The following VSIG10L2 variants were observed in gnomAD, a reference collection of about 807,000 sequenced individuals.
The protein encoded by VSIG10L2 is V-set and immunoglobulin domain-containing protein 10-like 2.
VSIG10L2 carries 56 observed loss-of-function variants against 67.1 expected under a neutral mutation model. The observed-to-expected ratio is 0.83, with a 90% CI of 0.67 to 1.04. The LOEUF is 1.04. VSIG10L2 is among the 50% of genes least tolerant of loss of function. The pLI, the probability that VSIG10L2 is intolerant of heterozygous loss-of-function variation, is 0.00. For missense variants in VSIG10L2, 843 were observed against 932.8 expected (o/e 0.90, Z 1.25); for synonymous variants, 360 against 396.6 (o/e 0.91, Z 1.10).
chr11:125,948,489 T>C lies in VSIG10L2; in HGVS notation c.618T>C (p.Pro206=). 1 of 1,232,238 alleles carries C rather than the reference T, an allele frequency of 8.1e-7. No individual in the cohort carries two copies. The highest frequency in any genetic ancestry group is 1.0e-6 in the Non-Finnish European group (1 of 988,010). 76.3% of individuals were successfully genotyped at this position (1,232,238 alleles called of 1,614,324 possible). ...CTGAGCCACTATTCCAGCTGGACCCTGTCAACCGGACACACCTAGGGTGGT... is the reference window on the plus strand; with the variant it reads ...CTGAGCCACTATTCCAGCTGGACCCCGTCAACCGGACACACCTAGGGTGGT... The part of the protein sequence containing the change: ...GVTEPLFQLD[P]VNRTHLGWYM... Residue 206 remains proline, a synonymous_variant, in exon 3 of 12, where the codon CCT becomes CCC. Coordinates refer to ENST00000686984, the MANE Select transcript of VSIG10L2 (RefSeq NM_001365077.2).
At position 125,948,004 on chromosome 11, in the gene VSIG10L2, C is replaced by T; in HGVS notation, c.401C>T (p.Ala134Val). 1 of 1,232,296 alleles carries T rather than the reference C, an allele frequency of 8.1e-7. No homozygotes were observed. The highest frequency in any genetic ancestry group is 1.0e-6 in the Non-Finnish European group (1 of 988,064). The allele number at this position is 1,232,296 out of a possible 1,614,324, so 76.3% of individuals were successfully genotyped here. ...VLHVAGGQLHAAYSHLTLAVL... is the reference protein window; with the variant it reads ...VLHVAGGQLHVAYSHLTLAVL... ...CACGTGGCTGGCGGCCAGCTCCACG[C>T]TGCCTACTCCCACCTCACGCTGGCT... Residue 134 changes from alanine (A) to valine (V), a missense_variant, in exon 2 of 12, where the codon GCT (alanine) becomes GTT (valine). Coordinates refer to ENST00000686984, the MANE Select transcript of VSIG10L2 (RefSeq NM_001365077.2).
At position 125,947,883 on chromosome 11, in the gene VSIG10L2, G is replaced by A. The variant is rs576758791; in HGVS notation, c.280G>A (p.Ala94Thr). 74 of 1,232,308 alleles carry A rather than the reference G, an allele frequency of 6.0e-5. No individual in the cohort carries two copies. The African/African-American group carries it at 1.0e-3, about 17-fold the overall frequency. 76.3% of individuals were successfully genotyped at this position (1,232,308 alleles called of 1,614,324 possible). ...DGAMSKVEAI[A>T]SALGVVSLRN... Reference sequence around the variant, plus strand: ...AGCCATGTCCAAGGTGGAGGCCATCGCCTCGGCTCTGGGAGTCGTGAGTCT... The same window carrying A: ...AGCCATGTCCAAGGTGGAGGCCATCACCTCGGCTCTGGGAGTCGTGAGTCT... The change falls in exon 2 of 12, where the codon GCC becomes ACC. Residue 94 changes from alanine to threonine, a missense_variant. By Grantham distance (58) the Ala-to-Thr change is moderately conservative. This residue lies in a region of VSIG10L2 where 446 missense variants were observed against 548.4 expected (regional missense o/e 0.81). Coordinates refer to ENST00000686984, the MANE Select transcript of VSIG10L2 (RefSeq NM_001365077.2).
rs1163254387 is a variant in VSIG10L2, at chr11:125,950,055, C to T, written c.751C>T (p.Leu251Phe). ...TGTGATCACCATGGAGCCGCTGGGA[C>T]TCACTGAGGAGGGCTTCTGGGCCAG... ...KPVITMEPLG[L>F]TEEGFWASER... is the part of the protein sequence containing the mutation. Residue 251 changes from leucine to phenylalanine, a missense_variant, in exon 4 of 12, where the codon CTC becomes TTC. Transcript: ENST00000686984. 8.1e-7 allele frequency: 1 copy of T among 1,232,384 alleles called. No homozygotes were observed. The highest frequency in any genetic ancestry group is 1.0e-6 in the Non-Finnish European group (1 of 988,154). 76.3% of individuals were successfully genotyped at this position (1,232,384 alleles called of 1,614,324 possible). A position where few individuals can be genotyped will look rare whatever the true frequency, so the allele number is the denominator to read the frequency against.
In VSIG10L2 at chr11:125,948,313, T is replaced by C. The variant is rs549298025; in HGVS notation, c.442T>C (p.Ser148Pro). The C allele has an allele frequency of 2.4e-4, 299 of 1,232,598 alleles. 1 individual carries two copies. The African/African-American group carries it at 4.1e-3, about 17-fold the overall frequency. 76.4% of individuals were successfully genotyped at this position (1,232,598 alleles called of 1,614,324 possible). A position where few individuals can be genotyped will look rare whatever the true frequency, so the allele number is the denominator to read the frequency against. Reference sequence around the variant, plus strand: ...CTCCCTCCTCTGGCCAGTGCCGGTGTCCAAGCCTCAAGTGCGACTGAGTAA... The same window carrying C: ...CTCCCTCCTCTGGCCAGTGCCGGTGCCCAAGCCTCAAGTGCGACTGAGTAA... ...HLTLAVLVPV[S>P]KPQVRLSNPS... The change falls in exon 3 of 12, where the codon TCC becomes CCC. Residue 148 changes from serine (S) to proline (P), a missense_variant. Ser to Pro is a moderately conservative substitution (Grantham distance 74, BLOSUM62 -1). Transcript: ENST00000686984.
chr11:125,947,437 A>G (rs1945312918), intron 1 of VSIG10L2: 2 of 985,162 alleles, frequency 2.0e-6, no homozygotes, highest in Non-Finnish European at 2.4e-6. Context: ...AGGAGTGGGG[A>G]TGTCTGCTCC....
Position 125,947,976 on chromosome 11 carries a change from C to G in VSIG10L2, c.373C>G (p.Leu125Val), listed in dbSNP as rs1398882709. Residue 125 changes from leucine (L) to valine (V), a missense_variant, in exon 2 of 12, where the codon CTG becomes GTG. By Grantham distance (32) the Leu-to-Val change is conservative. Transcript: ENST00000686984. ...CCGTGGCCACTTCCTATGCCAGGTT[C>G]TGCACGTGGCTGGCGGCCAGCTCCA... ...GARGHFLCQVLHVAGGQLHAA... is the reference protein window; with the variant it reads ...GARGHFLCQVVHVAGGQLHAA... 4 of 1,232,178 alleles carry G rather than the reference C, an allele frequency of 3.2e-6. No homozygotes were observed. The highest frequency in any genetic ancestry group is 4.0e-6 in the Non-Finnish European group (4 of 988,058). The allele number at this position is 1,232,178 out of a possible 1,614,324, so 76.3% of individuals were successfully genotyped here.
Position 125,955,084 on chromosome 11 carries a change from C to T in VSIG10L2, c.2111C>T (p.Ala704Val), listed in dbSNP as rs369831682. 74 of 1,236,658 alleles carry T rather than the reference C, an allele frequency of 6.0e-5. 2 individuals carry two copies. The highest frequency in any genetic ancestry group is 7.2e-5 in the Non-Finnish European group (71 of 991,148). The allele number at this position is 1,236,658 out of a possible 1,614,324, so 76.6% of individuals were successfully genotyped here. A position where few individuals can be genotyped will look rare whatever the true frequency, so the allele number is the denominator to read the frequency against. Reference protein sequence around the residue: ...PADPPFSAYPAVLGAAGTGMV... With the variant: ...PADPPFSAYPVVLGAAGTGMV... ...GACCCCCCCTTCAGCGCCTACCCAG[C>T]GGTGTTGGGTGCAGCAGGCACGGGA... Residue 704 changes from alanine to valine, a missense_variant, in exon 9 of 12, where the codon GCG (alanine) becomes GTG (valine). Physicochemically the swap from Ala to Val is moderately conservative, Grantham distance 64 (BLOSUM62 0). Coordinates refer to ENST00000686984, the MANE Select transcript of VSIG10L2 (RefSeq NM_001365077.2).
rs1945420592 is a variant in VSIG10L2, at chr11:125,954,294, G to C, written c.1994G>C (p.Gly665Ala). 8.1e-7 allele frequency: 1 copy of C among 1,232,124 alleles called. No individual in the cohort carries two copies. The highest frequency in any genetic ancestry group is 1.6e-5 in the African/African-American group (1 of 64,406). The allele number at this position is 1,232,124 out of a possible 1,614,324, so 76.3% of individuals were successfully genotyped here. ...IEPESRGRRLGGLDPGVLYAF... is the reference protein window; with the variant it reads ...IEPESRGRRLAGLDPGVLYAF... ...CCAGAGAGCCGAGGACGGCGGCTGG[G>C]GGGCTTGGACCCCGGGGTCCTTTAT... is the stretch of plus-strand genomic sequence containing the variant. Residue 665 changes from glycine to alanine, a missense_variant, in exon 8 of 12, where the codon GGG becomes GCG. Around this residue, in one of 2 missense-constraint regions of VSIG10L2, gnomAD observed 397 missense variants for 384.4 expected, o/e 1.03. Coordinates refer to ENST00000686984, the MANE Select transcript of VSIG10L2 (RefSeq NM_001365077.2).
intron 3 of VSIG10L2, among the ~76,000 whole-genome samples, chr11:125,949,726 G>T (rs1022013041): frequency 6.6e-6 from 1 of 152,154 alleles, no homozygotes; most frequent in Non-Finnish European, 1.5e-5. Context: ...AGGCACATGG[G>T]AAGCATTGGT....
chr11:125,948,641 A>G, intron 3 of VSIG10L2, 61 bp downstream of exon 3: 1 of 1,227,792 alleles, frequency 8.1e-7, no homozygotes, highest in Non-Finnish European at 1.0e-6. Flanking sequence ...ATCCACACTC[A>G]GCCTTCCACA....
At chr11:125,951,571 G>A (rs1372333400) in intron 5 of VSIG10L2, among the ~76,000 whole-genome samples, 1 of 152,234 alleles carries the variant, frequency 6.6e-6, no homozygotes, top group Non-Finnish European at 1.5e-5. Context: ...CTTTCCGGAA[G>A]CCCCAGGGAG....
rs1945317046 is a variant in VSIG10L2, at chr11:125,947,782, C to T, written c.179C>T (p.Pro60Leu). The change falls in exon 2 of 12, where the codon CCT becomes CTT. Residue 60 changes from proline (P) to leucine (L), a missense_variant. Physicochemically the swap from Pro to Leu is moderately conservative, Grantham distance 98. Coordinates refer to ENST00000686984, the MANE Select transcript of VSIG10L2 (RefSeq NM_001365077.2). ...GSVELACGSG[P>L]APLLVLWSFT... The stretch of plus-strand genomic sequence containing the variant: ...GTGGAGCTGGCCTGTGGCTCAGGGC[C>T]TGCCCCGCTGCTGGTCCTCTGGAGC... The T allele has an allele frequency of 4.1e-6, 5 of 1,232,598 alleles. No homozygotes were observed. In the South Asian group the frequency reaches 2.1e-4, roughly 51 times the overall value. 76.4% of individuals were successfully genotyped at this position (1,232,598 alleles called of 1,614,324 possible). A position where few individuals can be genotyped will look rare whatever the true frequency, so the allele number is the denominator to read the frequency against.
chr11:125,952,341 A>G (rs1272352029), intron 6 of VSIG10L2, among the ~76,000 whole-genome samples: 1 of 152,278 alleles, frequency 6.6e-6, no homozygotes, highest in African/African-American at 2.4e-5. Flanking sequence ...TAGCAGCCAC[A>G]TTTAAAAAGA....
At position 125,955,062 on chromosome 11, in the gene VSIG10L2, C is replaced by A. The variant is rs1014400151; in HGVS notation, c.2089C>A (p.Pro697Thr). The A allele has an allele frequency of 1.6e-6, 2 of 1,234,758 alleles. No homozygotes were observed. Among genetic ancestry groups the A allele is most frequent in the Non-Finnish European group, 2.0e-6 (2 of 990,068 alleles). The allele number at this position is 1,234,758 out of a possible 1,614,324, so 76.5% of individuals were successfully genotyped here. A position where few individuals can be genotyped will look rare whatever the true frequency, so the allele number is the denominator to read the frequency against. Reference protein sequence around the residue: ...HPSEVKIPADPPFSAYPAVLG... With the variant: ...HPSEVKIPADTPFSAYPAVLG... The stretch of plus-strand genomic sequence containing the variant: ...CCTGTGCTCTCCCCTCCTAGCGGAC[C>A]CCCCCTTCAGCGCCTACCCAGCGGT... Residue 697 changes from proline (P) to threonine (T), a missense_variant, in exon 9 of 12, where the codon CCC becomes ACC. By Grantham distance (38) the Pro-to-Thr change is conservative (BLOSUM62 -1). Transcript: ENST00000686984.
chr11:125,951,744 G>C lies in VSIG10L2; in HGVS notation c.1235-69G>C. The C allele has an allele frequency of 3.6e-6, 5 of 1,403,196 alleles. No homozygotes were observed. The South Asian group carries it at 7.5e-5, about 21-fold the overall frequency. The allele number at this position is 1,403,196 out of a possible 1,614,324, so 86.9% of individuals were successfully genotyped here. On this transcript the variant is annotated intron_variant, in intron 5 of 11. Transcript: ENST00000686984. Reference sequence around the variant, plus strand: ...GGAGTGAAGGAACCAATGAAGGAAGGGGGATAGGGTGGAACTGCCAAGCCC... The same window carrying C: ...GGAGTGAAGGAACCAATGAAGGAAGCGGGATAGGGTGGAACTGCCAAGCCC...
chr11:125,953,882 CAG>C (rs1945412786), intron 7 of VSIG10L2, among the ~76,000 whole-genome samples, 192 bp downstream of exon 7: 1 of 152,236 alleles, frequency 6.6e-6, no homozygotes, highest in Non-Finnish European at 1.5e-5. Context: ...TCACGGCAAA[CAG>C]AACGCCATGC....
Position 125,955,144 on chromosome 11 carries a change from TC to T in VSIG10L2, c.2173del (p.Gln725SerfsTer59). On this transcript the variant is annotated frameshift_variant, in exon 9 of 12. Coordinates refer to ENST00000686984, the MANE Select transcript of VSIG10L2 (RefSeq NM_001365077.2). LOFTEE classifies it high-confidence loss of function. The stretch of plus-strand genomic sequence containing the variant: ...GCAACGGTGGCCTCTCTACTGGTGT[TC>T]CAGTATGCTGCCCGGCACCCAGAGA... ...VVATVASLLV[F>X]QYAARHPETF... is the part of the protein sequence containing the mutation. The T allele has an allele frequency of 8.0e-7, 1 of 1,246,800 alleles. No homozygotes were observed. The highest frequency in any genetic ancestry group is 1.0e-6 in the Non-Finnish European group (1 of 996,922). 77.2% of individuals were successfully genotyped at this position (1,246,800 alleles called of 1,614,324 possible).
chr11:125,947,929 T>C lies in VSIG10L2; in HGVS notation c.326T>C (p.Leu109Pro), dbSNP rs1945318699. 1.6e-6 allele frequency: 2 copies of C among 1,232,310 alleles called. No homozygotes were observed. Among genetic ancestry groups the C allele is most frequent in the East Asian group, 3.2e-5 (1 of 31,696 alleles). The allele number at this position is 1,232,310 out of a possible 1,614,324, so 76.3% of individuals were successfully genotyped here. Residue 109 changes from leucine (L) to proline (P), a missense_variant, in exon 2 of 12, where the codon CTG becomes CCG. This residue lies in a region of VSIG10L2 where 446 missense variants were observed against 548.4 expected (regional missense o/e 0.81). Coordinates refer to ENST00000686984, the MANE Select transcript of VSIG10L2 (RefSeq NM_001365077.2). ...AGTCTGAGGAACAGCAGCCTGGTGC[T>C]GGGGGAGCTTCACGAGGGTGCCCGT... ...VVSLRNSSLV[L>P]GELHEGARGH...
At position 125,956,168 on chromosome 11, in the gene VSIG10L2, C is replaced by G; in HGVS notation, c.*254C>G. 2 of 633,300 alleles carry G rather than the reference C, an allele frequency of 3.2e-6. No homozygotes were observed. The highest frequency in any genetic ancestry group is 5.8e-6 in the Non-Finnish European group (2 of 342,188). The allele number at this position is 633,300 out of a possible 1,614,324, so 39.2% of individuals were successfully genotyped here. On this transcript the variant is annotated 3_prime_UTR_variant, in exon 12 of 12. Transcript: ENST00000686984. The stretch of plus-strand genomic sequence containing the variant: ...AGGAAGAGGACCCACAATGGGGAGA[C>G]AGGGATCTCTGGGTGTCTGAGGGCA...
Sources: allele counts gnomAD v4.1 joint callset (sites outside exome capture counted in the v4.1 genomes callset), GRCh38; gene constraint gnomAD v4.1.1; regional missense constraint gnomAD v4.1.1; transcripts MANE v1.5; gene names NCBI Gene and HGNC (gene_info 2026-07-23, HGNC 2026-07-21).